Variants in CFAP69 observed in about 807,000 individuals in gnomAD.
The protein encoded by CFAP69 is cilia- and flagella-associated protein 69.
Under a neutral mutation model 123.0 loss-of-function variants are expected in CFAP69, and 92 were observed. That is an observed-to-expected ratio of 0.75 (90% confidence interval 0.63 to 0.89). The LOEUF is 0.89. Among genes scored for constraint, CFAP69 ranks in the 40% least tolerant of loss-of-function variants. The pLI is 0.00. For synonymous variants in CFAP69, 380 were observed against 364.3 expected (o/e 1.04, Z -0.49); for missense variants, 1,067 against 1,096.9 (o/e 0.97, Z 0.39).
At chr7:90,272,032 G>A (rs1800027701) in intron 8 of CFAP69, 74 bp downstream of exon 8, 5 of 1,340,004 alleles carry the variant, frequency 3.7e-6, no homozygotes, top group South Asian at 1.6e-5. Context: ...TAACATCTTT[G>A]TTTGAATCTG....
Position 90,245,538 on chromosome 7 carries a change from G to C in CFAP69, c.114G>C (p.Glu38Asp). Residue 38 changes from glutamate to aspartate, a missense_variant, in exon 1 of 23, where the codon GAG (glutamate) becomes GAC (aspartate). Coordinates refer to ENST00000389297, the MANE Select transcript of CFAP69 (RefSeq NM_001039706.3). ...TTGGGGTGGTGACGGAGGACGATGA[G>C]GCGCAGGTATGAGCAGGTGTCTGTG... is the stretch of plus-strand genomic sequence containing the variant. ...PVVGVVTEDD[E>D]AQDVFKPMDL... The C allele has an allele frequency of 6.6e-7, 1 of 1,505,860 alleles. No individual in the cohort carries two copies. The highest frequency in any genetic ancestry group is 2.7e-5 in the East Asian group (1 of 37,226). The allele number at this position is 1,505,860 out of a possible 1,614,324, so 93.3% of individuals were successfully genotyped here.
chr7:90,251,532 T>C (rs528347951), intron 1 of CFAP69, among the ~76,000 whole-genome samples: 2 of 152,348 alleles, frequency 1.3e-5, no homozygotes, highest in South Asian at 4.1e-4. Context: ...TTTGTTTATA[T>C]GTTCAGTCTC....
intron 11 of CFAP69, among the ~76,000 whole-genome samples, chr7:90,279,177 T>C (rs867683120): frequency 1.8e-4 from 28 of 152,130 alleles, no homozygotes; most frequent in Non-Finnish European, 2.6e-4. Flanking sequence ...GTAAGTACTG[T>C]TGCATGTGGT....
intron 5 of CFAP69, among the ~76,000 whole-genome samples, chr7:90,267,891 A>G (rs1799378806): frequency 6.6e-6 from 1 of 152,238 alleles, no homozygotes. Flanking sequence ...AATCCTCACA[A>G]CAATCTTAAA....
rs775220868 is a variant in CFAP69, at chr7:90,307,063, C to G, written c.2428C>G (p.Gln810Glu). ...QSDIIESQAC[Q>E]DMQNEQKVYA... is the part of the protein sequence containing the mutation. ...TGATATAATTGAAAGCCAAGCATGC[C>G]AAGACATGCAAAATGAACAAAAAGT... is the stretch of plus-strand genomic sequence containing the variant. Residue 810 changes from glutamine to glutamate, a missense_variant, in exon 20 of 23, where the codon CAA (glutamine) becomes GAA (glutamate). Coordinates refer to ENST00000389297, the MANE Select transcript of CFAP69 (RefSeq NM_001039706.3). The G allele has an allele frequency of 6.2e-7, 1 of 1,611,428 alleles. No homozygotes were observed. Among genetic ancestry groups the G allele is most frequent in the South Asian group, 1.1e-5 (1 of 90,524 alleles).
chr7:90,321,191 A>G, the CFAP69 span: 3 of 152,226 alleles, frequency 2.0e-5, no homozygotes, highest in Non-Finnish European at 2.9e-5. Context: ...AAGCTCGCTC[A>G]GCGGAACCGT....
At chr7:90,258,034 G>A in intron 2 of CFAP69, 64 bp from the exon 3 acceptor site, 1 of 1,151,916 alleles carries the variant, frequency 8.7e-7, no homozygotes, top group Non-Finnish European at 1.3e-6. Context: ...TTATGTTGAA[G>A]AATTTTTTAA....
chr7:90,307,149 G>A (rs1467785766), intron 20 of CFAP69, 51 bp downstream of exon 20: 15 of 1,353,582 alleles, frequency 1.1e-5, no homozygotes, highest in Non-Finnish European at 1.6e-5. Flanking sequence ...TTGGTTAATG[G>A]GCACAAAAAT....
chr7:90,280,042 G>A (rs1789233874), intron 12 of CFAP69, 149 bp downstream of exon 12: 3 of 561,004 alleles, frequency 5.3e-6, no homozygotes, highest in Non-Finnish European at 8.3e-6. Flanking sequence ...TTTATATGTT[G>A]TTTTAAGAAA....
chr7:90,288,383 C>A, intron 15 of CFAP69, 31 bp downstream of exon 15: 1 of 1,595,984 alleles, frequency 6.3e-7, no homozygotes, highest in Non-Finnish European at 8.6e-7. Context: ...ATTAGGTAGA[C>A]TCACAGCAGT....
rs904757970 is a variant in CFAP69 at position 90,306,882 on chromosome 7, T to A, written c.2266-19T>A. On this transcript the variant is annotated intron_variant, in intron 19 of 22. Coordinates refer to ENST00000389297, the MANE Select transcript of CFAP69 (RefSeq NM_001039706.3). ...TTTGTTTTTGGTTAATTTAACTTTG[T>A]TAAACTTTGTTATAACAGATTGGAG... 2.8e-6 allele frequency: 4 copies of A among 1,413,670 alleles called. No individual in the cohort carries two copies. In the African/African-American group the frequency reaches 5.8e-5, roughly 20 times the overall value. 87.6% of individuals were successfully genotyped at this position (1,413,670 alleles called of 1,614,324 possible).
chr7:90,259,945 A>G (rs1387886768), intron 3 of CFAP69, among the ~76,000 whole-genome samples: 2 of 152,214 alleles, frequency 1.3e-5, no homozygotes, highest in African/African-American at 2.4e-5. Context: ...ACAGTGGTCC[A>G]TAGACCACAC....
chr7:90,273,943 A>G (rs1800360922), intron 8 of CFAP69, 44 bp from the exon 9 acceptor site: 2 of 1,419,076 alleles, frequency 1.4e-6, no homozygotes, highest in Non-Finnish European at 1.9e-6. Flanking sequence ...GCAAACATTT[A>G]GTGTATAACA....
At chr7:90,281,853 T>C (rs1052898600) in intron 12 of CFAP69, among the ~76,000 whole-genome samples, 2 of 152,150 alleles carry the variant, frequency 1.3e-5, no homozygotes. Context: ...CCCCTGTGAC[T>C]GATAATAGAT....
At chr7:90,298,258 T>G (rs564932292) in intron 16 of CFAP69, among the ~76,000 whole-genome samples, 2 of 152,274 alleles carry the variant, frequency 1.3e-5, no homozygotes, top group East Asian at 3.9e-4. Flanking sequence ...TATGTATTAT[T>G]TGGAGGTAAC....
At chr7:90,256,484 A>G (rs1281520812) in intron 2 of CFAP69, among the ~76,000 whole-genome samples, 1 of 151,974 alleles carries the variant, frequency 6.6e-6, no homozygotes, top group African/African-American at 2.4e-5. Context: ...TATGTAACAA[A>G]CCTTCACATT....
intron 9 of CFAP69, among the ~76,000 whole-genome samples, chr7:90,275,662 C>T (rs1194748584): frequency 1.7e-5 from 2 of 116,500 alleles, no homozygotes; most frequent in Non-Finnish European, 3.2e-5. Context: ...AGTGCAGTGG[C>T]GCGATCTCAG....
At position 90,258,465 on chromosome 7, in the gene CFAP69, C is replaced by G. The variant is rs545081140; in HGVS notation, c.246+302C>G. Among the ~76,000 whole-genome samples the G allele has an allele frequency of 3.3e-5, 5 of 152,242 alleles. No homozygotes were observed. The South Asian group carries it at 1.0e-3, about 32-fold the overall frequency. The stretch of plus-strand genomic sequence containing the variant: ...TCCTTGCCTCATGCCCTCTTCCCCC[C>G]ACTGGCATCACTCTCACCTCTGCTG... On this transcript the variant is annotated intron_variant, in intron 3 of 22. Transcript: ENST00000389297.
intron 4 of CFAP69, among the ~76,000 whole-genome samples, chr7:90,263,591 T>C (rs908704125): frequency 6.6e-6 from 1 of 152,200 alleles, no homozygotes; most frequent in Admixed American, 6.5e-5. Flanking sequence ...AGCAGCTGGA[T>C]AACAAATATA....
Sources: allele counts gnomAD v4.1 joint callset (sites outside exome capture counted in the v4.1 genomes callset), GRCh38; gene constraint gnomAD v4.1.1; transcripts MANE v1.5; gene names NCBI Gene and HGNC (gene_info 2026-07-23, HGNC 2026-07-21).